AR: variants seen among roughly 807,000 people sequenced by gnomAD.
The protein encoded by AR is dihydrotestosterone receptor.
A neutral mutation model predicts 53.9 loss-of-function variants in AR; 8 were observed. The ratio of observed to expected loss-of-function variants is 0.15; its 90% CI spans 0.09 to 0.27. The LOEUF (loss-of-function observed/expected upper bound fraction) is 0.27. Ranked by LOEUF, AR falls within the 10% of genes least tolerant of loss-of-function variation. The probability of loss-of-function intolerance (pLI) is 1.00; values close to 1 mark genes in which losing one functional copy is unlikely to be tolerated. For synonymous variants in AR, 359 were observed against 316.4 expected (o/e 1.13, Z -1.43); for missense variants, 639 against 742.5 (o/e 0.86, Z 1.62).
chrX:67,698,190 A>G (rs1284950113), intron 3 of AR, among the ~76,000 whole-genome samples: 44 of 112,100 alleles, frequency 3.9e-4, no homozygotes, highest in Non-Finnish European at 5.6e-5. Context: ...AGAGGGAAAG[A>G]TGTCCCTGAG....
intron 2 of AR, among the ~76,000 whole-genome samples, chrX:67,667,227 A>G (rs1461941929): frequency 9.0e-6 from 1 of 111,531 alleles, no homozygotes; most frequent in East Asian, 2.8e-4. Context: ...TTTTGATTTT[A>G]TTTTTGTATT....
intron 2 of AR, among the ~76,000 whole-genome samples, chrX:67,670,186 TG>T (rs1393748469): frequency 1.1e-5 from 1 of 89,089 alleles, no homozygotes; most frequent in Admixed American, 1.3e-4. Flanking sequence ...ATATATATAG[TG>T]TGTATATATA....
At chrX:67,652,079 A>G (rs1173249975) in intron 2 of AR, among the ~76,000 whole-genome samples, 2 of 111,854 alleles carry the variant, frequency 1.8e-5, no homozygotes. Flanking sequence ...AGTGTTTTCC[A>G]TGGGGCCACG....
chrX:67,655,833 T>A (rs1316533613), intron 2 of AR, among the ~76,000 whole-genome samples: 1 of 112,321 alleles, frequency 8.9e-6, no homozygotes, highest in Non-Finnish European at 1.9e-5. Context: ...CAAACACTGA[T>A]AACAGTACTT....
chrX:67,691,926 A>T (rs1302929469), intron 3 of AR, among the ~76,000 whole-genome samples: 1 of 112,257 alleles, frequency 8.9e-6, no homozygotes, highest in Non-Finnish European at 1.9e-5. Flanking sequence ...TCCTGGCCTA[A>T]GGATTGTGCT....
intron 1 of AR, among the ~76,000 whole-genome samples, chrX:67,639,166 A>G (rs747476914): frequency 9.0e-6 from 1 of 111,190 alleles, no homozygotes; most frequent in African/African-American, 3.3e-5. Context: ...GTTCTGTTCC[A>G]TTGGTCTATA....
chrX:67,646,233 A>G (rs1190986612), intron 2 of AR, among the ~76,000 whole-genome samples: 1 of 111,444 alleles, frequency 9.0e-6, no homozygotes, highest in Non-Finnish European at 1.9e-5. Flanking sequence ...AGGGCTCAGC[A>G]CAGAGTCAGT....
intron 1 of AR, among the ~76,000 whole-genome samples, chrX:67,615,225 G>T (rs1045536701): frequency 6.3e-5 from 7 of 110,776 alleles, no homozygotes; most frequent in Non-Finnish European, 1.1e-4. Flanking sequence ...ACACATCAAA[G>T]AAAATTTTTT....
chrX:67,672,270 C>T (rs1384971095), intron 2 of AR, among the ~76,000 whole-genome samples: 1 of 111,040 alleles, frequency 9.0e-6, no homozygotes, highest in Non-Finnish European at 1.9e-5. Flanking sequence ...CCAGCTCCAT[C>T]CAGGTGTCTT....
At chrX:67,570,174 T>C (rs763737399) in intron 1 of AR, among the ~76,000 whole-genome samples, 1 of 112,140 alleles carries the variant, frequency 8.9e-6, no homozygotes, top group African/African-American at 3.2e-5. Context: ...TTTCATTGTA[T>C]GTGTACGCAT....
At chrX:67,546,902 C>G (rs2147323827) in intron 1 of AR, 140 bp downstream of exon 1, 1 of 685,969 alleles carries the variant, frequency 1.5e-6, no homozygotes, top group African/African-American at 2.2e-5. Context: ...TAGAGCTCTC[C>G]CGTGGACTCC....
Position 67,730,067 on chromosome X carries a change from TG to T in AR, c.*6227del, listed in dbSNP as rs773109415. ...CTAGACTGGAACATTGATTAGGGAG[TG>T]CCTCAGACATGACATTCTTGTGCTG... On this transcript the variant is annotated 3_prime_UTR_variant, in exon 8 of 8. Coordinates refer to ENST00000374690, the MANE Select transcript of AR (RefSeq NM_000044.6). 2.3e-5 allele frequency: 4 copies of T among 172,954 alleles called. No homozygotes were observed. The highest frequency in any genetic ancestry group is 1.2e-4 in the African/African-American group (4 of 33,611). The allele number at this position is 172,954 out of a possible 1,213,427, so 14.3% of individuals were successfully genotyped here.
chrX:67,621,516 A>C (rs894759512), intron 1 of AR, among the ~76,000 whole-genome samples: 13 of 110,423 alleles, frequency 1.2e-4, no homozygotes, highest in Admixed American at 9.7e-5. Flanking sequence ...CTAGTCCCCT[A>C]ACCCCAGACA....
rs949840490 is a variant in AR, at chrX:67,668,426, T to C, written c.1769-17584T>C. Among the ~76,000 whole-genome samples, 4 of 111,753 alleles carry C rather than the reference T, an allele frequency of 3.6e-5. No homozygotes were observed. In the Admixed American group the frequency reaches 3.8e-4, roughly 11 times the overall value. On this transcript the variant is annotated intron_variant, in intron 2 of 7. Coordinates refer to ENST00000374690, the MANE Select transcript of AR (RefSeq NM_000044.6). ...CGTGGTAAATCCCACTTAGTCATGG[T>C]GAATGAACTTTTTAATGTGTTGTTG...
chrX:67,629,789 C>A (rs1354607246), intron 1 of AR, among the ~76,000 whole-genome samples: 1 of 110,261 alleles, frequency 9.1e-6, no homozygotes, highest in Non-Finnish European at 1.9e-5. Flanking sequence ...CTATAAATTT[C>A]CCTCTACACA....
chrX:67,659,470 T>C (rs1181767275), intron 2 of AR, among the ~76,000 whole-genome samples: 4 of 111,170 alleles, frequency 3.6e-5, no homozygotes, highest in Non-Finnish European at 7.5e-5. Flanking sequence ...ATGCGGTGTT[T>C]GGTTTTTTGT....
At chrX:67,624,243 A>G (rs1346856896) in intron 1 of AR, among the ~76,000 whole-genome samples, 2 of 111,816 alleles carry the variant, frequency 1.8e-5, no homozygotes, top group Non-Finnish European at 3.8e-5. Context: ...CATATCAACC[A>G]TACTGTATGC....
intron 3 of AR, among the ~76,000 whole-genome samples, chrX:67,709,218 G>A (rs1192005075): frequency 8.9e-6 from 1 of 112,133 alleles, no homozygotes; most frequent in African/African-American, 3.2e-5. Context: ...CTTTTGTTCG[G>A]CTATGCCCTG....
chrX:67,673,476 T>G (rs2075879688), intron 2 of AR, among the ~76,000 whole-genome samples: 1 of 107,222 alleles, frequency 9.3e-6, no homozygotes, highest in Non-Finnish European at 1.9e-5. Flanking sequence ...TTGCTATTTT[T>G]TTTTTTTTTT....
Sources: allele counts gnomAD v4.1 joint callset (sites outside exome capture counted in the v4.1 genomes callset), GRCh38; gene constraint gnomAD v4.1.1; transcripts MANE v1.5; gene names NCBI Gene and HGNC (gene_info 2026-07-23, HGNC 2026-07-21).